The following MYLK3 variants were observed in gnomAD, a reference collection of about 807,000 sequenced individuals.
The protein encoded by MYLK3 is myosin light chain kinase 3.
A neutral mutation model predicts 76.3 loss-of-function variants in MYLK3; 55 were observed. The ratio of observed to expected loss-of-function variants is 0.72; its 90% confidence interval spans 0.58 to 0.90. The LOEUF (loss-of-function observed/expected upper bound fraction) is 0.90, where lower values mean the gene tolerates loss of function less well. MYLK3 is among the 40% of genes least tolerant of loss of function. The pLI is 0.00. For synonymous variants in MYLK3, 416 were observed against 425.4 expected (o/e 0.98, Z 0.27); for missense variants, 973 against 1,053.6 (o/e 0.92, Z 1.06).
intron 1 of MYLK3, chr16:46,757,415 C>A (rs1451157207): frequency 1.0e-6 from 1 of 985,366 alleles, no homozygotes; most frequent in African/African-American, 1.7e-5. Context: ...CCCAGAGCTG[C>A]CCTTACCGCA....
chr16:46,707,883 A>C (rs1297034328), intron 12 of MYLK3, 120 bp from the exon 13 acceptor site: 2 of 570,964 alleles, frequency 3.5e-6, no homozygotes, highest in African/African-American at 1.9e-5. Context: ...TAAATCTGAT[A>C]CCTAAAGGGA....
chr16:46,711,025 T>C (rs964366087), intron 10 of MYLK3: 4 of 532,916 alleles, frequency 7.5e-6, no homozygotes, highest in Non-Finnish European at 6.7e-6. Flanking sequence ...TCCCCTCTTG[T>C]GCTCACCTCT....
intron 3 of MYLK3, among the ~76,000 whole-genome samples, chr16:46,736,160 C>T (rs772265791): frequency 2.0e-5 from 3 of 152,148 alleles, no homozygotes; most frequent in East Asian, 1.9e-4. Context: ...TACAGGTGCA[C>T]GCCACCATGC....
intron 8 of MYLK3, among the ~76,000 whole-genome samples, chr16:46,725,532 A>G (rs1365335318): frequency 1.3e-5 from 2 of 152,244 alleles, no homozygotes; most frequent in African/African-American, 2.4e-5. Flanking sequence ...TAAAATGATT[A>G]CATGATTTCA....
intron 9 of MYLK3, among the ~76,000 whole-genome samples, chr16:46,718,259 G>A (rs1476176500): frequency 2.6e-5 from 4 of 152,170 alleles, no homozygotes; most frequent in African/African-American, 4.8e-5. Context: ...GCATGTGGGA[G>A]GCATCTGAAT....
chr16:46,728,628 G>A (rs1485475526), intron 7 of MYLK3, among the ~76,000 whole-genome samples: 1 of 152,156 alleles, frequency 6.6e-6, no homozygotes, highest in Non-Finnish European at 1.5e-5. Context: ...GGCTACAGTG[G>A]GAGGATCACT....
At chr16:46,723,426 G>T (rs928792728) in intron 8 of MYLK3, among the ~76,000 whole-genome samples, 3 of 152,042 alleles carry the variant, frequency 2.0e-5, no homozygotes, top group Non-Finnish European at 4.4e-5. Flanking sequence ...TACACTTTTG[G>T]CTATTATAAG....
upstream of MYLK3, among the ~76,000 whole-genome samples, chr16:46,753,185 T>C (rs1185042837): frequency 6.6e-6 from 1 of 152,172 alleles, no homozygotes; most frequent in Non-Finnish European, 1.5e-5. Flanking sequence ...GCTTTCCCTG[T>C]AGGACCCCAG....
At chr16:46,762,454 A>G (rs1967291253) in intron 1 of MYLK3, among the ~76,000 whole-genome samples, 1 of 152,198 alleles carries the variant, frequency 6.6e-6, no homozygotes, top group Non-Finnish European at 1.5e-5. Flanking sequence ...TTAACTAACC[A>G]AGAACACGGA....
chr16:46,763,207 GCTGCCCT>G, exon 1 of MYLK3: 1 of 985,464 alleles, frequency 1.0e-6, no homozygotes. Context: ...ATCTGTGCAA[GCTGCCCT>G]CTGGTCTCCC....
intron 1 of MYLK3, among the ~76,000 whole-genome samples, chr16:46,747,299 C>T (rs1967044751): frequency 6.6e-6 from 1 of 152,188 alleles, no homozygotes; most frequent in African/African-American, 2.4e-5. Flanking sequence ...AGGTTGGGGA[C>T]AGGAGGTGGC....
In MYLK3 at chr16:46,740,551, ATT is replaced by A. The variant is rs869207639; in HGVS notation, c.478-406_478-405del. Among the ~76,000 whole-genome samples the A allele has an allele frequency of 4.8e-3, 616 of 128,340 alleles. 3 individuals carry two copies. The highest frequency in any genetic ancestry group is 0.017 in the African/African-American group (582 of 33,280). 84.2% of individuals were successfully genotyped at this position (128,340 alleles called of 152,430 possible). On this transcript the variant is annotated intron_variant, in intron 1 of 12. Coordinates refer to ENST00000394809, the MANE Select transcript of MYLK3 (RefSeq NM_182493.3). ...TATATACATACATATATATATATAT[ATT>A]TTTTTTTTTTTTTTTTGAGACAAGG...
At chr16:46,748,423 G>A (rs552231486), upstream of MYLK3, 176 of 710,690 alleles carry the variant, frequency 2.5e-4, no homozygotes, top group African/African-American at 2.9e-3. The surrounding 1 kb of genome is among the most constrained non-coding windows in gnomAD (Gnocchi z 4.3). Context: ...TGAGTGACAG[G>A]CCGAGGTCAG....
At chr16:46,755,317 G>T (rs1967183689) in intron 1 of MYLK3, among the ~76,000 whole-genome samples, 2 of 152,056 alleles carry the variant, frequency 1.3e-5, no homozygotes, top group African/African-American at 4.8e-5. Flanking sequence ...AATTAACTGG[G>T]CATGGTGGTG....
At chr16:46,728,848 C>G (rs1012645024) in intron 7 of MYLK3, among the ~76,000 whole-genome samples, 176 bp downstream of exon 7, 3 of 152,334 alleles carry the variant, frequency 2.0e-5, no homozygotes, top group Admixed American at 6.5e-5. Flanking sequence ...GTTGCTTTGT[C>G]CTCCACATTC....
chr16:46,709,938 G>A (rs193292935), intron 11 of MYLK3, among the ~76,000 whole-genome samples: 14 of 152,346 alleles, frequency 9.2e-5, no homozygotes, highest in Non-Finnish European at 1.8e-4. Flanking sequence ...AGGGGGCTGA[G>A]AAGTTGAGGC....
chr16:46,762,969 C>T (rs753667487), intron 1 of MYLK3: 1 of 980,106 alleles, frequency 1.0e-6, no homozygotes, highest in Non-Finnish European at 1.2e-6. Context: ...GGTGGGTCTA[C>T]AAGTCCCTAA....
intron 8 of MYLK3, 125 bp from the exon 9 acceptor site, chr16:46,721,318 A>T: frequency 1.3e-6 from 1 of 753,846 alleles, no homozygotes; most frequent in Non-Finnish European, 2.3e-6. Context: ...CAGCCCTGCA[A>T]GGGCTGGATA....
chr16:46,738,186 G>C (rs1966882140), intron 2 of MYLK3, 43 bp from the exon 3 acceptor site: 1 of 1,434,380 alleles, frequency 7.0e-7, no homozygotes, highest in East Asian at 2.4e-5. Flanking sequence ...CCCATGTGGA[G>C]GAGTCTGCCA....
Sources: gnomAD v4.1 joint callset for allele counts (sites outside exome capture counted in the v4.1 genomes callset) on GRCh38, gnomAD v4.1.1 for gene constraint, Gnocchi (gnomAD v3.1) non-coding constraint, MANE v1.5 for transcripts, NCBI Gene and HGNC (gene_info 2026-07-23, HGNC 2026-07-21) for gene names.